Variants in KLHL29 observed in about 807,000 individuals in gnomAD.
The protein encoded by KLHL29 is kelch-like protein 29.
A neutral mutation model predicts 80.4 loss-of-function variants in KLHL29; 21 were observed. The ratio of observed to expected loss-of-function variants is 0.26; its 90% confidence interval spans 0.19 to 0.38. The LOEUF is 0.38. Among genes scored for constraint, KLHL29 ranks in the 10% least tolerant of loss-of-function variants. The probability of loss-of-function intolerance (pLI) is 1.00; values close to 1 mark genes in which losing one functional copy is unlikely to be tolerated. For synonymous variants in KLHL29, 511 were observed against 526.8 expected (o/e 0.97, Z 0.41); for missense variants, 867 against 1,223.9 (o/e 0.71, Z 4.35).
At chr2:23,667,362 C>G (rs1051282699) in intron 5 of KLHL29, 1 of 152,174 alleles carries the variant, frequency 6.6e-6, no homozygotes, top group African/African-American at 2.4e-5. Flanking sequence ...AAAACATACT[C>G]TTGAATCAGA....
At chr2:23,411,022 G>A (rs1268150867) in intron 1 of KLHL29, among the ~76,000 whole-genome samples, 2 of 151,838 alleles carry the variant, frequency 1.3e-5, no homozygotes, top group East Asian at 1.9e-4. Context: ...CTTAAATTAC[G>A]TGCTTAAATT....
chr2:23,605,619 AT>A (rs1362571729), intron 3 of KLHL29, among the ~76,000 whole-genome samples: 1 of 152,166 alleles, frequency 6.6e-6, no homozygotes, highest in Non-Finnish European at 1.5e-5. Context: ...CTCCTTAGTG[AT>A]TAGACTGCCC....
intron 2 of KLHL29, chr2:23,524,481 G>A: frequency 6.3e-6 from 1 of 159,962 alleles, no homozygotes; most frequent in Non-Finnish European, 1.4e-5. Flanking sequence ...GCTCGCGCGT[G>A]CACTGGTGCC....
rs112019970 is a variant in KLHL29, at chr2:23,499,448, T to G, written c.-46+23781T>G. On this transcript the variant is annotated intron_variant, in intron 2 of 13. Coordinates refer to ENST00000486442, the MANE Select transcript of KLHL29 (RefSeq NM_052920.2). ...GCAGGACTACCTGAATAGATACTTA[T>G]GTTCTTGCTCCAGAGCTGTCAGACT... Among the ~76,000 whole-genome samples the G allele has an allele frequency of 7.9e-3, 1,205 of 152,294 alleles. 16 individuals are homozygous for G. Among genetic ancestry groups the G allele is most frequent in the African/African-American group, 0.028 (1,144 of 41,548 alleles).
At chr2:23,522,333 A>G (rs542469067) in intron 2 of KLHL29, among the ~76,000 whole-genome samples, 166 of 152,178 alleles carry the variant, frequency 1.1e-3, no homozygotes, top group African/African-American at 3.7e-3. Flanking sequence ...TATTTTTAGT[A>G]GAGATGGGGT....
intron 7 of KLHL29, among the ~76,000 whole-genome samples, chr2:23,692,344 C>T (rs144210139): frequency 1.7e-3 from 266 of 152,370 alleles, no homozygotes; most frequent in Admixed American, 3.1e-3. Flanking sequence ...GATCTGCTGC[C>T]CAGGATGGGG....
chr2:23,601,518 G>A (rs915687876), intron 3 of KLHL29, among the ~76,000 whole-genome samples: 3 of 152,178 alleles, frequency 2.0e-5, no homozygotes, highest in Non-Finnish European at 4.4e-5. Flanking sequence ...CAGGTCTGAG[G>A]TCTTTGGAAG....
intron 6 of KLHL29, 36 bp from the exon 7 acceptor site, chr2:23,691,638 G>A: frequency 6.5e-7 from 1 of 1,538,000 alleles, no homozygotes; most frequent in Non-Finnish European, 8.8e-7. Flanking sequence ...GTGGCCGCAG[G>A]GCAGGAGGTA....
At chr2:23,598,436 C>T (rs992037279) in intron 3 of KLHL29, among the ~76,000 whole-genome samples, 6 of 152,138 alleles carry the variant, frequency 3.9e-5, no homozygotes, top group African/African-American at 1.2e-4. Context: ...ACTGCATGTG[C>T]GCACACTCAC....
At chr2:23,593,022 G>A (rs892148582) in intron 3 of KLHL29, among the ~76,000 whole-genome samples, 1 of 152,150 alleles carries the variant, frequency 6.6e-6, no homozygotes, top group Non-Finnish European at 1.5e-5. Flanking sequence ...TGTCCACCGT[G>A]GAGTCATGCA....
At chr2:23,527,801 C>A (rs1038469279) in intron 2 of KLHL29, among the ~76,000 whole-genome samples, 2 of 152,222 alleles carry the variant, frequency 1.3e-5, no homozygotes, top group Admixed American at 1.3e-4. Flanking sequence ...AGTCCCCAGG[C>A]CTTGATCTTG....
chr2:23,679,586 A>T (rs1181408824), intron 5 of KLHL29, among the ~76,000 whole-genome samples: 1 of 152,250 alleles, frequency 6.6e-6, no homozygotes, highest in East Asian at 1.9e-4. Flanking sequence ...GAAGCTACAA[A>T]GAATATTTGC....
intron 8 of KLHL29, among the ~76,000 whole-genome samples, chr2:23,694,161 T>C (rs1671797244): frequency 6.6e-6 from 1 of 152,240 alleles, no homozygotes; most frequent in Non-Finnish European, 1.5e-5. Flanking sequence ...AGTGGCCTTC[T>C]GGGCCTCTCC....
At chr2:23,428,486 C>T (rs1663065653) in intron 1 of KLHL29, among the ~76,000 whole-genome samples, 1 of 152,140 alleles carries the variant, frequency 6.6e-6, no homozygotes, top group Admixed American at 6.5e-5. Flanking sequence ...CAGCTCCTCT[C>T]GCCTACCTGC....
chr2:23,635,488 C>G (rs373244019), intron 3 of KLHL29, among the ~76,000 whole-genome samples: 2 of 152,218 alleles, frequency 1.3e-5, no homozygotes, highest in African/African-American at 4.8e-5. Flanking sequence ...GGTGCCTCCC[C>G]CTCTGCGCTG....
chr2:23,620,314 G>A (rs1466745440), intron 3 of KLHL29, among the ~76,000 whole-genome samples: 1 of 152,172 alleles, frequency 6.6e-6, no homozygotes, highest in Non-Finnish European at 1.5e-5. Flanking sequence ...GGAGGAGAGT[G>A]ACATGGTCAT....
chr2:23,468,732 C>T (rs1196869182), intron 1 of KLHL29, among the ~76,000 whole-genome samples: 1 of 152,190 alleles, frequency 6.6e-6, no homozygotes, highest in Non-Finnish European at 1.5e-5. Context: ...TATTTGAGTG[C>T]TTGGGGTGCA....
Position 23,513,456 on chromosome 2 carries a change from G to A in KLHL29, c.-46+37789G>A, listed in dbSNP as rs114466926. On this transcript the variant is annotated intron_variant, in intron 2 of 13. Coordinates refer to ENST00000486442, the MANE Select transcript of KLHL29 (RefSeq NM_052920.2). ...CCACGCCCTCTGTCAGGGTGGGCAG[G>A]GTCCAGGAGAGAAGGGACCGCCGCT... 3.4e-3 allele frequency among the ~76,000 whole-genome samples: 522 copies of A among 152,268 alleles called. 3 individuals carry two copies. Among genetic ancestry groups the A allele is most frequent in the African/African-American group, 0.012 (498 of 41,540 alleles).
At chr2:23,500,241 G>A (rs1174944680) in intron 2 of KLHL29, among the ~76,000 whole-genome samples, 1 of 152,206 alleles carries the variant, frequency 6.6e-6, no homozygotes, top group East Asian at 1.9e-4. Flanking sequence ...GGGAGTCCAG[G>A]AGGGCTTCAT....
Sources: gnomAD v4.1 joint callset for allele counts (sites outside exome capture counted in the v4.1 genomes callset) on GRCh38, gnomAD v4.1.1 for gene constraint, MANE v1.5 for transcripts, NCBI Gene and HGNC (gene_info 2026-07-23, HGNC 2026-07-21) for gene names.